Variants in TSC2 observed in about 807,000 individuals in gnomAD.
TSC2 encodes the protein tuberin.
In TSC2, 29 loss-of-function variants were observed where a neutral mutation model predicts 202.2. The observed-to-expected ratio is 0.14, with a 90% confidence interval of 0.11 to 0.20. The LOEUF (loss-of-function observed/expected upper bound fraction) is 0.20. Ranked by LOEUF, TSC2 falls within the 10% of genes least tolerant of loss-of-function variation. TSC2 has a pLI of 1.00. For missense variants in TSC2, 2,429 were observed against 2,420.0 expected (o/e 1.00, Z -0.08); for synonymous variants, 1,349 against 1,044.0 (o/e 1.29, Z -5.63).
intron 36 of TSC2, among the ~76,000 whole-genome samples, chr16:2,085,820 G>A (rs934686839): frequency 6.6e-6 from 1 of 152,156 alleles, no homozygotes; most frequent in Non-Finnish European, 1.5e-5. Flanking sequence ...TCTGAGCAGA[G>A]GGCACATGGC....
chr16:2,048,366 C>G (rs1227208807), intron 1 of TSC2: 1 of 864,686 alleles, frequency 1.2e-6, no homozygotes, highest in African/African-American at 1.7e-5. Flanking sequence ...GCGGCAGCGT[C>G]TGAGTAGAGA....
At chr16:2,062,918 G>A (rs1416198185) in intron 13 of TSC2, 54 bp from the exon 14 acceptor site, 10 of 1,535,360 alleles carry the variant, frequency 6.5e-6, no homozygotes, top group Middle Eastern at 2.2e-4. Flanking sequence ...ACGGGCTGGT[G>A]TGGGGCTGTG....
chr16:2,053,168 C>T (rs1003283806), intron 3 of TSC2, among the ~76,000 whole-genome samples, 174 bp from the exon 4 acceptor site: 1 of 152,232 alleles, frequency 6.6e-6, no homozygotes, highest in African/African-American at 2.4e-5. Context: ...TGTACGAAGC[C>T]TGTGGTCATC....
chr16:2,054,222 C>T (rs957283706), intron 4 of TSC2, 74 bp from the exon 5 acceptor site: 9 of 1,609,328 alleles, frequency 5.6e-6, no homozygotes, highest in African/African-American at 4.0e-5. Context: ...GGTGCCCCTG[C>T]ACTTCAGGGA....
chr16:2,069,762 G>A (rs553456394), intron 16 of TSC2, among the ~76,000 whole-genome samples: 5 of 152,164 alleles, frequency 3.3e-5, no homozygotes, highest in Non-Finnish European at 5.9e-5. Context: ...TTACAGGCGT[G>A]AGCCACTGTG....
In TSC2 at chr16:2,079,804, G is replaced by C; in HGVS notation, c.3397+135G>C. On this transcript the variant is annotated intron_variant, in intron 29 of 41. Transcript: ENST00000219476. This position sits in a 1 kb window ranked among gnomAD's most constrained non-coding sequence, Gnocchi z 4.6. ...AGGCCCGGCCCACGTCCTGACTCTG[G>C]GGTGAGCCTTCCACAGCTCACCCCA... 1.2e-6 allele frequency: 1 copy of C among 866,054 alleles called. No individual in the cohort carries two copies. Among genetic ancestry groups the C allele is most frequent in the East Asian group, 2.7e-5 (1 of 37,698 alleles). The allele number at this position is 866,054 out of a possible 1,614,324, so 53.6% of individuals were successfully genotyped here. A position where few individuals can be genotyped will look rare whatever the true frequency, so the allele number is the denominator to read the frequency against.
At position 2,088,858 on chromosome 16, in the gene TSC2, AGCACACTCGCGCGTGCGCGC is replaced by A. The variant is rs2091264500; in HGVS notation, c.*251_*270del. The A allele has an allele frequency of 1.1e-5, 6 of 560,956 alleles. No homozygotes were observed. Among genetic ancestry groups the A allele is most frequent in the South Asian group, 4.0e-5 (2 of 49,572 alleles). 34.7% of individuals were successfully genotyped at this position (560,956 alleles called of 1,614,324 possible). A position where few individuals can be genotyped will look rare whatever the true frequency, so the allele number is the denominator to read the frequency against. ...GGCCTTGAGGCTGCCTGGGCCATAC[AGCACACTCGCGCGTGCGCGC>A]GCGCACACACACACACACACAGTCA... On this transcript the variant is annotated 3_prime_UTR_variant, in exon 42 of 42. Coordinates refer to ENST00000219476, the MANE Select transcript of TSC2 (RefSeq NM_000548.5).
chr16:2,087,827 TGTGTGC>T, intron 38 of TSC2, 30 bp from the exon 39 acceptor site: 1 of 1,607,176 alleles, frequency 6.2e-7, no homozygotes, highest in Non-Finnish European at 8.5e-7. Flanking sequence ...CAGCACACGC[TGTGTGC>T]GGGGATGACC....
chr16:2,084,757 T>C, intron 34 of TSC2, 42 bp downstream of exon 34: 1 of 1,598,380 alleles, frequency 6.3e-7, no homozygotes, highest in South Asian at 1.1e-5. Flanking sequence ...ACACCTCTCC[T>C]GCGGGAACCT....
intron 33 of TSC2, among the ~76,000 whole-genome samples, 185 bp from the exon 34 acceptor site, chr16:2,084,043 C>T (rs754739337): frequency 2.6e-5 from 4 of 152,240 alleles, no homozygotes; most frequent in Non-Finnish European, 4.4e-5. Flanking sequence ...CCTCTGCTCA[C>T]GCAGTGTGGG....
rs776855601 is a variant in TSC2, at chr16:2,079,567, G to A, written c.3295G>A (p.Gly1099Arg). Residue 1099 changes from glycine to arginine, a missense_variant, in exon 29 of 42, where the codon GGG (glycine) becomes AGG (arginine). Gly to Arg is a moderately radical substitution (Grantham distance 125). Coordinates refer to ENST00000219476, the MANE Select transcript of TSC2 (RefSeq NM_000548.5). The surrounding 1 kb of genome is among the most constrained non-coding windows in gnomAD (Gnocchi z 4.6). ...GGATTCTCTTCTCAGCTCCAGCCCC[G>A]GGGTGCATGTGAGACAGACCAAGGA... ...QSGPESSSSP[G>R]VHVRQTKEAP... is the part of the protein sequence containing the mutation. The A allele has an allele frequency of 2.2e-5, 35 of 1,610,670 alleles. No homozygotes were observed. The Middle Eastern group carries it at 5.0e-4, about 23-fold the overall frequency.
chr16:2,073,430 C>T (rs918094606), intron 21 of TSC2, among the ~76,000 whole-genome samples: 2 of 152,258 alleles, frequency 1.3e-5, no homozygotes, highest in Non-Finnish European at 2.9e-5. Context: ...TCGCATTCTT[C>T]CACACCTCTC....
intron 14 of TSC2, 37 bp downstream of exon 14, chr16:2,063,090 C>T (rs1354067934): frequency 2.6e-6 from 4 of 1,549,240 alleles, no homozygotes; most frequent in Non-Finnish European, 3.5e-6. Context: ...GGGCTCAGGG[C>T]TATTTCTCCG....
At chr16:2,048,238 T>C (rs1225064590) in intron 1 of TSC2, 173 bp downstream of exon 1, 1 of 1,413,102 alleles carries the variant, frequency 7.1e-7, no homozygotes, top group Admixed American at 2.0e-5. Context: ...GGGTCTCTGC[T>C]GCAGGCGGCT....
chr16:2,066,760 A>G (rs2087428847), intron 16 of TSC2, among the ~76,000 whole-genome samples: 1 of 142,666 alleles, frequency 7.0e-6, no homozygotes, highest in Admixed American at 7.9e-5. Context: ...TCTTGGGTTC[A>G]GGCGATTCTC....
intron 30 of TSC2, chr16:2,080,735 TG>T (rs1280701303): frequency 2.5e-5 from 7 of 278,634 alleles, no homozygotes; most frequent in East Asian, 8.9e-5. Flanking sequence ...CCGCCCGCCT[TG>T]GCCTCCCAAA....
At position 2,072,884 on chromosome 16, in the gene TSC2, C is replaced by A. The variant is rs778981034; in HGVS notation, c.2256C>A (p.Gly752=). 5.6e-6 allele frequency: 9 copies of A among 1,613,434 alleles called. 1 individual carries two copies. In the South Asian group the frequency reaches 9.9e-5, roughly 18 times the overall value. ...CAAAGACACTGGAGCGGCTCCGAGG[C>A]GCCCCAGAAGGCTTCTCCAGAACTG... ...SGPKTLERLR[G]APEGFSRTDL... The change falls in exon 21 of 42, where the codon GGC becomes GGA. Residue 752 remains glycine (G), a synonymous_variant. Coordinates refer to ENST00000219476, the MANE Select transcript of TSC2 (RefSeq NM_000548.5).
In TSC2 at chr16:2,085,451, G is replaced by A. The variant is rs964338049; in HGVS notation, c.4662+129G>A. 8 of 979,984 alleles carry A rather than the reference G, an allele frequency of 8.2e-6. No individual in the cohort carries two copies. In the African/African-American group the frequency reaches 1.1e-4, roughly 14 times the overall value. The allele number at this position is 979,984 out of a possible 1,614,324, so 60.7% of individuals were successfully genotyped here. Reference sequence around the variant, plus strand: ...TGCCGGGTCCCCTACAGCATGAAGTGCTCATTGAGCTCTGTGCCAGGTGCT... The same window carrying A: ...TGCCGGGTCCCCTACAGCATGAAGTACTCATTGAGCTCTGTGCCAGGTGCT... On this transcript the variant is annotated intron_variant, in intron 36 of 41. Coordinates refer to ENST00000219476, the MANE Select transcript of TSC2 (RefSeq NM_000548.5).
At chr16:2,065,375 C>T (rs992305103) in intron 15 of TSC2, 144 bp from the exon 16 acceptor site, 27 of 736,004 alleles carry the variant, frequency 3.7e-5, no homozygotes, top group Admixed American at 2.2e-4. Flanking sequence ...ATTGTGCCAC[C>T]GCACTCCAGC....
Sources: allele counts gnomAD v4.1 joint callset (sites outside exome capture counted in the v4.1 genomes callset), GRCh38; gene constraint gnomAD v4.1.1; non-coding constraint Gnocchi (gnomAD v3.1); transcripts MANE v1.5; gene names NCBI Gene and HGNC (gene_info 2026-07-23, HGNC 2026-07-21).